The following RARB variants were observed in gnomAD, a reference collection of about 807,000 sequenced individuals.
RARB encodes retinoic acid receptor beta, also known as HBV-activated protein.
A neutral mutation model predicts 51.9 loss-of-function variants in RARB; 17 were observed. The ratio of observed to expected loss-of-function variants is 0.33; its 90% confidence interval spans 0.22 to 0.49. The LOEUF (loss-of-function observed/expected upper bound fraction) is 0.49. RARB is among the 20% of genes least tolerant of loss of function. The probability of loss-of-function intolerance (pLI) is 0.99; values close to 1 mark genes in which losing one functional copy is unlikely to be tolerated. For missense variants in RARB, 369 were observed against 550.8 expected (o/e 0.67, Z 3.30); for synonymous variants, 215 against 195.4 (o/e 1.10, Z -0.84).
chr3:25,114,579 G>A (rs1040672803), intron 3 of RARB, among the ~76,000 whole-genome samples: 20 of 152,122 alleles, frequency 1.3e-4, no homozygotes, highest in African/African-American at 4.3e-4. Context: ...GTAAAATCGG[G>A]ATCCAGCATA....
At chr3:25,513,909 A>G (rs894254744) in intron 3 of RARB, among the ~76,000 whole-genome samples, 1 of 152,222 alleles carries the variant, frequency 6.6e-6, no homozygotes, top group Non-Finnish European at 1.5e-5. Context: ...GTATGTTTTC[A>G]TCTTGAGCTA....
chr3:24,975,389 G>A (rs559366148), intron 2 of RARB, among the ~76,000 whole-genome samples: 31 of 152,118 alleles, frequency 2.0e-4, no homozygotes, highest in African/African-American at 7.5e-4. Context: ...TTTGGTGTTG[G>A]GGATGCATGT....
intron 2 of RARB, among the ~76,000 whole-genome samples, chr3:25,047,678 C>T (rs1166506803): frequency 1.3e-5 from 2 of 152,176 alleles, no homozygotes; most frequent in African/African-American, 4.8e-5. Context: ...TTTGTTTTCC[C>T]TGTTTTTGCA....
chr3:25,483,248 G>A (rs1696316959), intron 2 of RARB, among the ~76,000 whole-genome samples: 1 of 152,170 alleles, frequency 6.6e-6, no homozygotes, highest in Admixed American at 6.5e-5. Flanking sequence ...GGAAGATAAT[G>A]GGAAAACTTG....
intron 2 of RARB, among the ~76,000 whole-genome samples, chr3:24,907,544 G>A (rs925008655): frequency 6.6e-6 from 1 of 152,150 alleles, no homozygotes; most frequent in Non-Finnish European, 1.5e-5. Context: ...AGCATCCCGT[G>A]GATTTAGTTA....
intron 5 of RARB, among the ~76,000 whole-genome samples, chr3:25,329,671 G>C (rs1324179940): frequency 6.6e-6 from 1 of 152,194 alleles, no homozygotes; most frequent in Non-Finnish European, 1.5e-5. Context: ...ACTTTGATGA[G>C]TTGAGAGAAG....
chr3:25,295,475 G>T (rs921095071), intron 5 of RARB, among the ~76,000 whole-genome samples: 1 of 152,210 alleles, frequency 6.6e-6, no homozygotes, highest in African/African-American at 2.4e-5. Flanking sequence ...CTCCACGACT[G>T]TGAGCAATAA....
intron 3 of RARB, among the ~76,000 whole-genome samples, chr3:25,524,990 A>G (rs889000582): frequency 6.6e-6 from 1 of 152,036 alleles, no homozygotes; most frequent in African/African-American, 2.4e-5. Context: ...CAGCCTCCCA[A>G]AGTGCTGGGA....
chr3:25,390,950 A>C (rs1057190260), intron 5 of RARB, among the ~76,000 whole-genome samples: 1 of 152,008 alleles, frequency 6.6e-6, no homozygotes, highest in African/African-American at 2.4e-5. Flanking sequence ...GTTTGGTTAC[A>C]TGAATAAGTT....
At chr3:24,967,147 C>T (rs895616224) in intron 2 of RARB, among the ~76,000 whole-genome samples, 3 of 151,990 alleles carry the variant, frequency 2.0e-5, no homozygotes, top group Admixed American at 6.6e-5. Flanking sequence ...ACTCTCGGCC[C>T]GTGGGCTTCC....
At chr3:25,457,055 T>G (rs1694956963) in intron 1 of RARB, among the ~76,000 whole-genome samples, 1 of 152,128 alleles carries the variant, frequency 6.6e-6, no homozygotes, top group Non-Finnish European at 1.5e-5. Flanking sequence ...TTATTTTTTG[T>G]TTTGTTTTTC....
intron 5 of RARB, among the ~76,000 whole-genome samples, chr3:25,419,679 T>G (rs1030718839): frequency 2.0e-4 from 30 of 152,188 alleles, no homozygotes; most frequent in African/African-American, 4.8e-5. Flanking sequence ...TTGTGTGAGG[T>G]AGCTCTGGGT....
intron 1 of RARB, among the ~76,000 whole-genome samples, chr3:24,851,058 G>A (rs1344183806): frequency 1.3e-5 from 2 of 152,158 alleles, no homozygotes; most frequent in East Asian, 3.8e-4. Context: ...TTAGCTTAGA[G>A]AAAGCAGAAT....
chr3:25,495,902 A>T (rs1236729393), intron 2 of RARB, among the ~76,000 whole-genome samples: 1 of 152,192 alleles, frequency 6.6e-6, no homozygotes, highest in Non-Finnish European at 1.5e-5. Flanking sequence ...GACCAACAGA[A>T]TTCGTGATTA....
intron 5 of RARB, among the ~76,000 whole-genome samples, chr3:25,330,999 A>G (rs1035353407): frequency 6.6e-6 from 1 of 152,230 alleles, no homozygotes; most frequent in African/African-American, 2.4e-5. Context: ...TATGCACCCA[A>G]TACAGGAGCA....
chr3:25,033,847 C>T (rs991320118), intron 2 of RARB, among the ~76,000 whole-genome samples: 1 of 152,208 alleles, frequency 6.6e-6, no homozygotes, highest in Non-Finnish European at 1.5e-5. Context: ...AATCTCCTAG[C>T]TTACATTACC....
At chr3:24,853,043 G>C (rs961212571) in intron 1 of RARB, among the ~76,000 whole-genome samples, 1 of 152,002 alleles carries the variant, frequency 6.6e-6, no homozygotes, top group South Asian at 2.1e-4. Context: ...GGCTGGGCAC[G>C]GTGGCTCACG....
At chr3:24,958,197 G>A (rs910548744) in intron 2 of RARB, among the ~76,000 whole-genome samples, 2 of 143,304 alleles carry the variant, frequency 1.4e-5, no homozygotes. Context: ...TTCAACTGTT[G>A]GACGTGTTAA....
chr3:25,050,182 G>A (rs1698298493), intron 2 of RARB, among the ~76,000 whole-genome samples: 1 of 152,172 alleles, frequency 6.6e-6, no homozygotes, highest in South Asian at 2.1e-4. Context: ...ATTGTATATT[G>A]AAATGACTAT....
Sources: allele counts gnomAD v4.1 joint callset (sites outside exome capture counted in the v4.1 genomes callset), GRCh38; gene constraint gnomAD v4.1.1; transcripts MANE v1.5; gene names NCBI Gene and HGNC (gene_info 2026-07-23, HGNC 2026-07-21).